Variants in TCERG1L observed in about 807,000 individuals in gnomAD.
TCERG1L encodes the protein transcription elongation regulator 1 like.
In TCERG1L, 37 loss-of-function variants were observed where a neutral mutation model predicts 56.3. That is an observed-to-expected ratio of 0.66 (90% CI 0.51 to 0.87). The LOEUF is 0.87. Ranked by LOEUF, TCERG1L falls within the 40% of genes least tolerant of loss-of-function variation. TCERG1L has a pLI of 0.00. For synonymous variants in TCERG1L, 324 were observed against 326.3 expected, an observed-to-expected ratio of 0.99 and a Z score of 0.08; for missense variants, 799 against 774.2, an observed-to-expected ratio of 1.03 and a Z score of -0.38.
intron 6 of TCERG1L, among the ~76,000 whole-genome samples, chr10:131,154,458 G>A (rs1001391491): frequency 1.3e-5 from 2 of 152,210 alleles, no homozygotes; most frequent in Non-Finnish European, 2.9e-5. Flanking sequence ...GTGTCCTGGG[G>A]ATGGACAAAG....
intron 4 of TCERG1L, among the ~76,000 whole-genome samples, chr10:131,225,172 G>A (rs967844630): frequency 6.6e-6 from 1 of 152,206 alleles, no homozygotes. Flanking sequence ...ATCATGCACT[G>A]TATTAGTTTA....
chr10:131,290,262 G>A (rs1187582730), intron 3 of TCERG1L, among the ~76,000 whole-genome samples: 24 of 152,200 alleles, frequency 1.6e-4, no homozygotes, highest in Admixed American at 1.6e-3. Context: ...TGTGCGAGCA[G>A]GTGTGTACAT....
chr10:131,265,513 G>C (rs968000766), intron 3 of TCERG1L, among the ~76,000 whole-genome samples: 3 of 152,160 alleles, frequency 2.0e-5, no homozygotes, highest in Admixed American at 2.0e-4. Flanking sequence ...GAAGGGTGAA[G>C]TTCAGTCATG....
intron 4 of TCERG1L, among the ~76,000 whole-genome samples, chr10:131,201,602 A>T (rs2918133): frequency 0.83 from 126,195 of 152,172 alleles, 53,242 homozygotes; most frequent in South Asian, 0.95. Flanking sequence ...TGCAAATAAA[A>T]AAATATATAA....
In TCERG1L at chr10:131,311,505, G is replaced by C. The variant is rs1846899343; in HGVS notation, c.131C>G (p.Pro44Arg). The change falls in exon 1 of 12, where the codon CCG (proline) becomes CGG (arginine). Residue 44 changes from proline (P) to arginine (R), a missense_variant. By Grantham distance (103) the Pro-to-Arg change is moderately radical. Transcript: ENST00000368642. This position sits in a 1 kb window ranked among gnomAD's most constrained non-coding sequence, Gnocchi z 4.0. ...PPPPPWVWMV[P>R]GSAGLLRLSA... is the part of the protein sequence containing the mutation. ...GAGCCGGAGCAGCCCGGCCGAGCCC[G>C]GCACCATCCAGACCCAGGGCGGCGG... is the stretch of plus-strand genomic sequence containing the variant. 1.7e-6 allele frequency: 2 copies of C among 1,210,208 alleles called. No homozygotes were observed. The highest frequency in any genetic ancestry group is 2.1e-6 in the Non-Finnish European group (2 of 970,622). The allele number at this position is 1,210,208 out of a possible 1,614,324, so 75.0% of individuals were successfully genotyped here. A position where few individuals can be genotyped will look rare whatever the true frequency, so the allele number is the denominator to read the frequency against.
At chr10:131,117,060 A>C in intron 8 of TCERG1L, 126 bp from the exon 9 acceptor site, 1 of 1,281,654 alleles carries the variant, frequency 7.8e-7, no homozygotes, top group Non-Finnish European at 1.1e-6. Flanking sequence ...AACTCTTTAT[A>C]AAGCCTGAGG....
chr10:131,129,620 C>T (rs1845597301), intron 8 of TCERG1L, among the ~76,000 whole-genome samples: 1 of 152,184 alleles, frequency 6.6e-6, no homozygotes, highest in Non-Finnish European at 1.5e-5. Context: ...GGCAGCTAAG[C>T]ACACACTGGA....
chr10:131,308,241 T>C lies in TCERG1L; in HGVS notation c.640A>G (p.Thr214Ala). The change falls in exon 3 of 12, where the codon ACG becomes GCG. Residue 214 changes from threonine (T) to alanine (A), a missense_variant. Coordinates refer to ENST00000368642, the MANE Select transcript of TCERG1L (RefSeq NM_174937.4). ...RPAPASRPLP[T>A]VVLAPQPIPG... ...ATGGGCTGAGGTGCTAACACCACCG[T>C]GGGGAGCGGCCTGGAGGCAGGAGCC... 6.2e-7 allele frequency: 1 copy of C among 1,613,846 alleles called. No homozygotes were observed. The highest frequency in any genetic ancestry group is 8.5e-7 in the Non-Finnish European group (1 of 1,179,818).
rs905251014 is a variant in TCERG1L at position 131,186,625 on chromosome 10, C to T, written c.857-19740G>A. ...AAGAAAAAGAAAACTGATTCTCCTG[C>T]AAAGGATGGGGAGAGGATGCAGGTG... On this transcript the variant is annotated intron_variant, in intron 4 of 11. Coordinates refer to ENST00000368642, the MANE Select transcript of TCERG1L (RefSeq NM_174937.4). 1.2e-4 allele frequency among the ~76,000 whole-genome samples: 19 copies of T among 152,270 alleles called. 1 individual carries two copies. The South Asian group carries it at 3.7e-3, about 30-fold the overall frequency.
chr10:131,244,984 A>AG (rs1365990815), intron 4 of TCERG1L, among the ~76,000 whole-genome samples: 2 of 152,186 alleles, frequency 1.3e-5, no homozygotes, highest in African/African-American at 2.4e-5. Flanking sequence ...CAGATGCTGC[A>AG]GGGGGACTGG....
intron 4 of TCERG1L, among the ~76,000 whole-genome samples, chr10:131,201,817 C>T (rs2032754386): frequency 6.6e-6 from 1 of 152,156 alleles, no homozygotes; most frequent in South Asian, 2.1e-4. Context: ...TTTTTCAGAG[C>T]TGCCGGCTTT....
intron 4 of TCERG1L, among the ~76,000 whole-genome samples, chr10:131,258,671 C>CT (rs1322828834): frequency 6.6e-6 from 1 of 152,238 alleles, no homozygotes; most frequent in African/African-American, 2.4e-5. Flanking sequence ...CCCCTTTCAT[C>CT]TTCCTGTCAG....
At chr10:131,235,979 T>C (rs1845908096) in intron 4 of TCERG1L, among the ~76,000 whole-genome samples, 1 of 152,242 alleles carries the variant, frequency 6.6e-6, no homozygotes, top group African/African-American at 2.4e-5. Context: ...ATACAGTGCC[T>C]GTAATGCAAA....
chr10:131,228,591 T>C (rs367933268), intron 4 of TCERG1L, among the ~76,000 whole-genome samples: 44 of 34,236 alleles, frequency 1.3e-3, no homozygotes, highest in East Asian at 1.6e-3. Context: ...TCCGGAGTCT[T>C]CCCTCCAGAC....
intron 5 of TCERG1L, chr10:131,164,147 A>G (rs1846007593): frequency 6.6e-6 from 1 of 151,028 alleles, no homozygotes; most frequent in African/African-American, 2.4e-5. Flanking sequence ...AAAAAAAAGA[A>G]AAAAGAAAAA....
intron 6 of TCERG1L, among the ~76,000 whole-genome samples, chr10:131,150,149 C>T (rs1049004429): frequency 1.0e-5 from 1 of 96,558 alleles, no homozygotes; most frequent in African/African-American, 3.2e-5. Flanking sequence ...AGGAGCCTGA[C>T]CTCACCTGGA....
chr10:131,211,181 CCTGCTGG>C (rs1845615265), intron 4 of TCERG1L, among the ~76,000 whole-genome samples: 1 of 152,202 alleles, frequency 6.6e-6, no homozygotes, highest in Non-Finnish European at 1.5e-5. Context: ...CTCGGCCCTC[CCTGCTGG>C]AGGCACCGTG....
At chr10:131,212,508 A>G (rs1845629738) in intron 4 of TCERG1L, among the ~76,000 whole-genome samples, 2 of 152,218 alleles carry the variant, frequency 1.3e-5, no homozygotes, top group Non-Finnish European at 2.9e-5. Flanking sequence ...GCTCAAAATA[A>G]TTAGGCCTTA....
chr10:131,256,394 T>G (rs1396149645), intron 4 of TCERG1L, among the ~76,000 whole-genome samples: 1 of 152,160 alleles, frequency 6.6e-6, no homozygotes, highest in Non-Finnish European at 1.5e-5. Flanking sequence ...AATGTTAAAT[T>G]TAAACCATTA....
Sources: gnomAD v4.1 joint callset for allele counts (sites outside exome capture counted in the v4.1 genomes callset) on GRCh38, gnomAD v4.1.1 for gene constraint, Gnocchi (gnomAD v3.1) non-coding constraint, MANE v1.5 for transcripts, NCBI Gene and HGNC (gene_info 2026-07-23, HGNC 2026-07-21) for gene names.